The following PCDH9 variants were observed in gnomAD, a reference collection of about 807,000 sequenced individuals.
The protein encoded by PCDH9 is protocadherin 9.
Under a neutral mutation model 70.6 loss-of-function variants are expected in PCDH9, and 24 were observed. The observed-to-expected ratio is 0.34, with a 90% CI of 0.25 to 0.48. PCDH9 has a LOEUF of 0.48. Ranked by LOEUF, PCDH9 falls within the 20% of genes least tolerant of loss-of-function variation. The pLI, the probability that PCDH9 is intolerant of heterozygous loss-of-function variation, is 0.99. For synonymous variants in PCDH9, 562 were observed against 558.5 expected (o/e 1.01, Z -0.09); for missense variants, 1,281 against 1,503.6 (o/e 0.85, Z 2.45).
intron 4 of PCDH9, among the ~76,000 whole-genome samples, chr13:66,468,824 C>T (rs1949832801): frequency 6.6e-6 from 1 of 152,040 alleles, no homozygotes; most frequent in African/African-American, 2.4e-5. Context: ...GAGAAACTTC[C>T]TAAGCATTCT....
At chr13:66,791,919 C>T (rs559610147) in intron 3 of PCDH9, among the ~76,000 whole-genome samples, 2 of 152,204 alleles carry the variant, frequency 1.3e-5, no homozygotes, top group East Asian at 3.9e-4. Context: ...CACAAAAAAT[C>T]TTTGTTTTAC....
intron 4 of PCDH9, among the ~76,000 whole-genome samples, chr13:66,604,781 T>C (rs755340183): frequency 3.3e-5 from 5 of 151,088 alleles, no homozygotes; most frequent in African/African-American, 1.2e-4. Flanking sequence ...CATTCATTAG[T>C]GATATTTTTT....
rs779725355 is a variant in PCDH9 at position 66,314,078 on chromosome 13, G to C, written c.3341-9050C>G. Among the ~76,000 whole-genome samples, 149 of 152,134 alleles carry C rather than the reference G, an allele frequency of 9.8e-4. 2 individuals carry two copies. The highest frequency in any genetic ancestry group is 2.1e-4 in the Non-Finnish European group (14 of 68,024). ...TGTTAATATGTATATGAGTCACCTA[G>C]GAAAATCATTAAAATGTAGATTCCA... On this transcript the variant is annotated intron_variant, in intron 4 of 4. Transcript: ENST00000377865.
chr13:66,898,377 T>C (rs117416283), intron 3 of PCDH9, among the ~76,000 whole-genome samples: 1 of 151,968 alleles, frequency 6.6e-6, no homozygotes. Context: ...TTAGTAAATA[T>C]CTATTAATTG....
At chr13:66,561,729 T>G (rs1962047979) in intron 4 of PCDH9, among the ~76,000 whole-genome samples, 1 of 151,980 alleles carries the variant, frequency 6.6e-6, no homozygotes, top group African/African-American at 2.4e-5. Context: ...AACCGTTGTG[T>G]CTAGCTCAGG....
intron 4 of PCDH9, among the ~76,000 whole-genome samples, chr13:66,482,549 C>T (rs1958861073): frequency 1.3e-5 from 2 of 152,272 alleles, no homozygotes; most frequent in South Asian, 2.1e-4. Flanking sequence ...AAACAACACA[C>T]AATTTATCAC....
At chr13:67,128,481 G>A (rs1261173607) in intron 2 of PCDH9, among the ~76,000 whole-genome samples, 4 of 152,134 alleles carry the variant, frequency 2.6e-5, no homozygotes, top group African/African-American at 7.2e-5. Flanking sequence ...ACATGACCTC[G>A]TGCTGAAACA....
chr13:66,700,559 A>G (rs897036274), intron 3 of PCDH9, among the ~76,000 whole-genome samples: 1 of 152,270 alleles, frequency 6.6e-6, no homozygotes, highest in South Asian at 2.1e-4. Context: ...CTCTGTGAGT[A>G]ATTACAATTC....
intron 4 of PCDH9, among the ~76,000 whole-genome samples, chr13:66,335,460 A>C (rs1361878321): frequency 6.6e-6 from 1 of 152,166 alleles, no homozygotes; most frequent in East Asian, 1.9e-4. Context: ...GAACAAACAA[A>C]AAATGCTAAC....
At chr13:67,206,691 C>T (rs562240163) in intron 2 of PCDH9, 2 of 152,226 alleles carry the variant, frequency 1.3e-5, no homozygotes, top group South Asian at 4.2e-4. Context: ...TGGAGGAGGG[C>T]CTATACTGAT....
intron 3 of PCDH9, among the ~76,000 whole-genome samples, chr13:66,677,126 C>T (rs1251192867): frequency 6.6e-6 from 1 of 151,966 alleles, no homozygotes; most frequent in African/African-American, 2.4e-5. Context: ...ACCTGTCATC[C>T]TAACTTCTTT....
At chr13:66,453,482 C>T (rs1958256200) in intron 4 of PCDH9, among the ~76,000 whole-genome samples, 5 of 151,758 alleles carry the variant, frequency 3.3e-5, no homozygotes. Flanking sequence ...AATCTATCCC[C>T]AGGAAATCAC....
At chr13:67,083,693 A>G (rs2086034243) in intron 2 of PCDH9, among the ~76,000 whole-genome samples, 1 of 152,214 alleles carries the variant, frequency 6.6e-6, no homozygotes, top group South Asian at 2.1e-4. Context: ...ATGTCAGAGT[A>G]TACATTATGT....
intron 4 of PCDH9, among the ~76,000 whole-genome samples, chr13:66,591,416 A>G (rs1259086962): frequency 6.6e-6 from 1 of 151,558 alleles, no homozygotes; most frequent in Non-Finnish European, 1.5e-5. Flanking sequence ...CAGTATGGAA[A>G]ATAAAGCCAA....
At chr13:66,766,027 T>C (rs1334634679) in intron 3 of PCDH9, among the ~76,000 whole-genome samples, 2 of 152,072 alleles carry the variant, frequency 1.3e-5, no homozygotes, top group East Asian at 3.9e-4. Flanking sequence ...GGATCTCTTA[T>C]ATAGTCTATT....
At chr13:66,997,755 G>A (rs553812074) in intron 2 of PCDH9, among the ~76,000 whole-genome samples, 4 of 152,142 alleles carry the variant, frequency 2.6e-5, no homozygotes, top group South Asian at 4.1e-4. Flanking sequence ...GGCTGGTCTC[G>A]ATCCCCTGAC....
chr13:67,081,619 A>G (rs1181927772), intron 2 of PCDH9, among the ~76,000 whole-genome samples: 1 of 152,146 alleles, frequency 6.6e-6, no homozygotes, highest in Non-Finnish European at 1.5e-5. Context: ...ATCTGAGCTT[A>G]ATGACCATCT....
In PCDH9 at chr13:67,228,204, GGAA is replaced by G; in HGVS notation, c.234_236del (p.Ser81del). 1 of 1,613,142 alleles carries G rather than the reference GGAA, an allele frequency of 6.2e-7. No homozygotes were observed. Among genetic ancestry groups the G allele is most frequent in the Non-Finnish European group, 8.5e-7 (1 of 1,179,594 alleles). ...TTGTGAAAATTTCCCCAGTGCTGCT[GGAA>G]ACTTTCACCAAAGGGGCATCCCCAG... On this transcript the variant is annotated inframe_deletion, in exon 2 of 5. Coordinates refer to ENST00000377865, the MANE Select transcript of PCDH9 (RefSeq NM_203487.3).
At chr13:67,217,240 G>A (rs2089628738) in intron 2 of PCDH9, 2 of 147,302 alleles carry the variant, frequency 1.4e-5, no homozygotes, top group Non-Finnish European at 3.0e-5. Flanking sequence ...CTGTGTTTCC[G>A]TTCTTTTCTT....
Sources: allele counts gnomAD v4.1 joint callset (sites outside exome capture counted in the v4.1 genomes callset), GRCh38; gene constraint gnomAD v4.1.1; transcripts MANE v1.5; gene names NCBI Gene and HGNC (gene_info 2026-07-23, HGNC 2026-07-21).